The following CLSTN2 variants were observed in gnomAD, a reference collection of about 807,000 sequenced individuals.
The protein encoded by CLSTN2 is calsyntenin 2.
A neutral mutation model predicts 101.2 loss-of-function variants in CLSTN2; 48 were observed. The ratio of observed to expected loss-of-function variants is 0.47; its 90% CI spans 0.38 to 0.60. CLSTN2 has a LOEUF of 0.60. Ranked by LOEUF, CLSTN2 falls within the 20% of genes least tolerant of loss-of-function variation. The probability of loss-of-function intolerance (pLI) is 0.00; values close to 1 mark genes in which losing one functional copy is unlikely to be tolerated. For synonymous variants in CLSTN2, 481 were observed against 463.6 expected, an observed-to-expected ratio of 1.04 and a Z score of -0.48; for missense variants, 1,160 against 1,238.2, an observed-to-expected ratio of 0.94 and a Z score of 0.95.
At position 140,072,716 on chromosome 3, in the gene CLSTN2, T is replaced by C. The variant is rs111284075; in HGVS notation, c.110-103235T>C. Among the ~76,000 whole-genome samples, 614 of 152,338 alleles carry C rather than the reference T, an allele frequency of 4.0e-3. 1 individual carries two copies. The highest frequency in any genetic ancestry group is 7.1e-3 in the Non-Finnish European group (485 of 68,040). The stretch of plus-strand genomic sequence containing the variant: ...CTCCAAAGCCAGTTTTAATGAGCTG[T>C]CACTGATAATTCCATGAAGCTACTC... On this transcript the variant is annotated intron_variant, in intron 1 of 16. Transcript: ENST00000458420.
intron 1 of CLSTN2, among the ~76,000 whole-genome samples, chr3:140,145,205 G>T (rs1340419560): frequency 6.6e-6 from 1 of 152,238 alleles, no homozygotes; most frequent in Non-Finnish European, 1.5e-5. Context: ...AGATAGGAAA[G>T]ATGGGTGAGT....
At chr3:140,276,111 C>G (rs959194736) in intron 2 of CLSTN2, among the ~76,000 whole-genome samples, 1 of 152,092 alleles carries the variant, frequency 6.6e-6, no homozygotes, top group Admixed American at 6.6e-5. Context: ...TTTCAATTTC[C>G]ACCCAGAGAG....
intron 2 of CLSTN2, among the ~76,000 whole-genome samples, chr3:140,305,608 T>A (rs2087106614): frequency 6.6e-6 from 1 of 152,114 alleles, no homozygotes. Context: ...CACCTTTCCA[T>A]CCTGGACAGC....
intron 8 of CLSTN2, among the ~76,000 whole-genome samples, chr3:140,498,606 T>C (rs1488479909): frequency 2.6e-5 from 4 of 152,242 alleles, no homozygotes; most frequent in African/African-American, 7.2e-5. Flanking sequence ...CATATGCAGT[T>C]TTGGTGGGTC....
chr3:140,213,710 A>G (rs555729906), intron 2 of CLSTN2, among the ~76,000 whole-genome samples: 8 of 152,282 alleles, frequency 5.3e-5, no homozygotes, highest in Non-Finnish European at 1.0e-4. Context: ...GATGGGGAGA[A>G]TGCAGGGCCC....
chr3:140,470,062 C>G (rs200002897), intron 8 of CLSTN2, among the ~76,000 whole-genome samples: 1 of 151,474 alleles, frequency 6.6e-6, no homozygotes, highest in Non-Finnish European at 1.5e-5. Flanking sequence ...AGAAAGGACT[C>G]AAGCCAGTCT....
intron 2 of CLSTN2, among the ~76,000 whole-genome samples, chr3:140,206,265 G>A (rs555814939): frequency 6.6e-6 from 1 of 152,312 alleles, no homozygotes; most frequent in South Asian, 2.1e-4. Flanking sequence ...CTTCTCCAGA[G>A]TGCAGACCTG....
intron 8 of CLSTN2, among the ~76,000 whole-genome samples, chr3:140,530,522 G>A (rs2107778416): frequency 6.6e-6 from 1 of 152,354 alleles, no homozygotes; most frequent in East Asian, 1.9e-4. Context: ...TGCTACTGTT[G>A]AGTTATAGAA....
chr3:140,223,989 C>G (rs1250174932), intron 2 of CLSTN2, among the ~76,000 whole-genome samples: 1 of 152,172 alleles, frequency 6.6e-6, no homozygotes, highest in Non-Finnish European at 1.5e-5. Context: ...CCAGAGAACT[C>G]TGGAAGGCTG....
intron 2 of CLSTN2, among the ~76,000 whole-genome samples, chr3:140,294,454 T>G (rs1041013543): frequency 6.6e-6 from 1 of 152,224 alleles, no homozygotes; most frequent in Non-Finnish European, 1.5e-5. Flanking sequence ...AGAACATCAC[T>G]GATCACCATC....
chr3:140,471,020 C>T (rs536843707), intron 8 of CLSTN2, among the ~76,000 whole-genome samples: 63 of 152,298 alleles, frequency 4.1e-4, no homozygotes, highest in African/African-American at 1.5e-3. Context: ...GGATGGACAG[C>T]CAGGTAAATC....
At chr3:140,158,463 T>A (rs2009991976) in intron 1 of CLSTN2, among the ~76,000 whole-genome samples, 1 of 152,122 alleles carries the variant, frequency 6.6e-6, no homozygotes, top group South Asian at 2.1e-4. Flanking sequence ...ATGAAAAAAT[T>A]GAAATACCTA....
chr3:139,949,395 T>G (rs781003683), intron 1 of CLSTN2, among the ~76,000 whole-genome samples: 1 of 152,122 alleles, frequency 6.6e-6, no homozygotes, highest in Non-Finnish European at 1.5e-5. Context: ...GGATCCCCAG[T>G]GTTCATCTCC....
chr3:140,473,565 A>T (rs1244924221), intron 8 of CLSTN2, among the ~76,000 whole-genome samples: 1 of 152,114 alleles, frequency 6.6e-6, no homozygotes, highest in East Asian at 1.9e-4. Context: ...ATGATGTGAG[A>T]CCATGATTCA....
intron 9 of CLSTN2, 34 bp from the exon 10 acceptor site, chr3:140,546,481 T>C (rs2107786686): frequency 3.1e-6 from 5 of 1,605,700 alleles, no homozygotes; most frequent in Middle Eastern, 1.7e-4. Flanking sequence ...CTACCCAGTC[T>C]TCACAGGGCA....
chr3:140,050,717 A>C (rs2007974311), intron 1 of CLSTN2, among the ~76,000 whole-genome samples: 1 of 152,172 alleles, frequency 6.6e-6, no homozygotes, highest in Non-Finnish European at 1.5e-5. Context: ...GGGAGCTTGG[A>C]TGAAGCAGTC....
intron 2 of CLSTN2, among the ~76,000 whole-genome samples, chr3:140,238,360 G>C (rs1294398774): frequency 6.6e-6 from 1 of 152,076 alleles, no homozygotes; most frequent in Non-Finnish European, 1.5e-5. Context: ...AATTATGCAT[G>C]GTTTTCAGCT....
chr3:140,541,633 G>C (rs1935480039), intron 9 of CLSTN2, among the ~76,000 whole-genome samples: 1 of 152,164 alleles, frequency 6.6e-6, no homozygotes, highest in Non-Finnish European at 1.5e-5. Flanking sequence ...CATCTGCCTA[G>C]ATGTACCAGG....
intron 2 of CLSTN2, among the ~76,000 whole-genome samples, chr3:140,373,273 C>A (rs1209840244): frequency 6.6e-6 from 1 of 152,184 alleles, no homozygotes; most frequent in East Asian, 1.9e-4. Flanking sequence ...GAGAGATCAT[C>A]ACATGAAAAC....
Sources: allele counts gnomAD v4.1 joint callset (sites outside exome capture counted in the v4.1 genomes callset), GRCh38; gene constraint gnomAD v4.1.1; transcripts MANE v1.5; gene names NCBI Gene and HGNC (gene_info 2026-07-23, HGNC 2026-07-21).